The following ADAMTS16 variants were observed in gnomAD, a reference collection of about 807,000 sequenced individuals.
The protein encoded by ADAMTS16 is ADAM metallopeptidase with thrombospondin type 1 motif 16, also known as A disintegrin and metalloproteinase with thrombospondin motifs 16.
ADAMTS16 carries 94 observed loss-of-function variants against 145.8 expected under a neutral mutation model. That is an observed-to-expected ratio of 0.64 (90% CI 0.55 to 0.77). The LOEUF (loss-of-function observed/expected upper bound fraction) is 0.77, where lower values mean the gene tolerates loss of function less well. Among genes scored for constraint, ADAMTS16 ranks in the 30% least tolerant of loss-of-function variants. The pLI is 0.00. For missense variants in ADAMTS16, 1,585 were observed against 1,591.5 expected, an observed-to-expected ratio of 1.00 and a Z score of 0.07; for synonymous variants, 659 against 604.3, an observed-to-expected ratio of 1.09 and a Z score of -1.33.
chr5:5,236,353 G>C (rs376828575), intron 13 of ADAMTS16, among the ~76,000 whole-genome samples: 1 of 151,304 alleles, frequency 6.6e-6, no homozygotes, highest in Non-Finnish European at 1.5e-5. Context: ...TTGAAAAAAA[G>C]TTCATATTAA....
chr5:5,308,944 C>T (rs1274740106), intron 21 of ADAMTS16, among the ~76,000 whole-genome samples: 5 of 134,058 alleles, frequency 3.7e-5, no homozygotes, highest in African/African-American at 8.5e-5. Flanking sequence ...AGAGAGACTC[C>T]GTCTCAAAAA....
intron 3 of ADAMTS16, among the ~76,000 whole-genome samples, chr5:5,161,074 C>T (rs1343025546): frequency 6.6e-6 from 1 of 152,120 alleles, no homozygotes; most frequent in East Asian, 1.9e-4. Context: ...TAGTTTATTA[C>T]CTATATTTTT....
intron 10 of ADAMTS16, among the ~76,000 whole-genome samples, chr5:5,214,045 TC>T (rs1212108601): frequency 6.6e-6 from 1 of 152,192 alleles, no homozygotes; most frequent in Non-Finnish European, 1.5e-5. Flanking sequence ...GGTATCCACC[TC>T]CCAACAGCGG....
At chr5:5,181,908 T>G in intron 3 of ADAMTS16, 136 bp from the exon 4 acceptor site, 1 of 1,025,640 alleles carries the variant, frequency 9.8e-7, no homozygotes, top group Non-Finnish European at 1.4e-6. Context: ...TTTTGAACCT[T>G]TCCAATGTTC....
chr5:5,236,785 A>C (rs1004559599), intron 13 of ADAMTS16, among the ~76,000 whole-genome samples, 184 bp from the exon 14 acceptor site: 3 of 45,750 alleles, frequency 6.6e-5, no homozygotes, highest in African/African-American at 2.2e-4. Flanking sequence ...TTGAAGCAAT[A>C]AATAAATTTA....
chr5:5,283,961 T>C (rs1201211651), intron 18 of ADAMTS16, among the ~76,000 whole-genome samples: 2 of 152,260 alleles, frequency 1.3e-5, no homozygotes, highest in African/African-American at 4.8e-5. Context: ...TGGTCTATGA[T>C]ATTATTTGTG....
In ADAMTS16 at chr5:5,140,772, T is replaced by C; in HGVS notation, c.175+6T>C. 1 of 1,553,354 alleles carries C rather than the reference T, an allele frequency of 6.4e-7. No individual in the cohort carries two copies. The highest frequency in any genetic ancestry group is 8.7e-7 in the Non-Finnish European group (1 of 1,149,576). ...GGGCTGGATGGAAAAGGGCGGTAAG[T>C]CCGTGAGGTGGGGGCTTCTAATCCT... On this transcript the variant is annotated splice_donor_region_variant and intron_variant, in intron 2 of 22. Coordinates refer to ENST00000274181, the MANE Select transcript of ADAMTS16 (RefSeq NM_139056.4).
chr5:5,204,718 G>A (rs1314627151), intron 9 of ADAMTS16, among the ~76,000 whole-genome samples: 1 of 152,020 alleles, frequency 6.6e-6, no homozygotes, highest in East Asian at 1.9e-4. Context: ...AATTTTTGGC[G>A]ATTACAAGGA....
intron 4 of ADAMTS16, among the ~76,000 whole-genome samples, chr5:5,185,260 G>A (rs1028958763): frequency 2.0e-5 from 3 of 152,178 alleles, no homozygotes; most frequent in Non-Finnish European, 1.5e-5. Flanking sequence ...AGTATGCTCC[G>A]TGAATACAGT....
chr5:5,202,119 G>T (rs4702241), intron 9 of ADAMTS16, among the ~76,000 whole-genome samples: 7 of 151,796 alleles, frequency 4.6e-5, no homozygotes, highest in Non-Finnish European at 7.4e-5. Context: ...CTATGGCTGC[G>T]TCTTCCTTCA....
At chr5:5,266,208 C>T (rs945984198) in intron 18 of ADAMTS16, among the ~76,000 whole-genome samples, 1 of 152,068 alleles carries the variant, frequency 6.6e-6, no homozygotes, top group African/African-American at 2.4e-5. Context: ...TCTGTGAAGC[C>T]CATCTAGAGA....
At chr5:5,165,811 G>T (rs997753931) in intron 3 of ADAMTS16, among the ~76,000 whole-genome samples, 1 of 152,172 alleles carries the variant, frequency 6.6e-6, no homozygotes, top group African/African-American at 2.4e-5. Context: ...TTCAGCAATG[G>T]CTTATAGGTC....
intron 11 of ADAMTS16, among the ~76,000 whole-genome samples, chr5:5,229,794 TAAAAG>T (rs972925750): frequency 2.0e-5 from 3 of 152,166 alleles, no homozygotes; most frequent in African/African-American, 7.2e-5. Context: ...TGTTTTTTCT[TAAAAG>T]AAGTAATCCA....
intron 17 of ADAMTS16, among the ~76,000 whole-genome samples, chr5:5,257,624 A>G (rs777398344): frequency 1.2e-3 from 190 of 152,260 alleles, no homozygotes; most frequent in Non-Finnish European, 1.3e-3. Flanking sequence ...AAGCTGAGCT[A>G]GCCGGACATG....
intron 3 of ADAMTS16, among the ~76,000 whole-genome samples, chr5:5,162,588 C>T (rs2126528937): frequency 6.6e-6 from 1 of 152,302 alleles, no homozygotes; most frequent in East Asian, 1.9e-4. Context: ...CGGGGAACAG[C>T]TCTGCAATTC....
chr5:5,195,126 G>A (rs986946720), intron 8 of ADAMTS16, among the ~76,000 whole-genome samples: 3 of 152,198 alleles, frequency 2.0e-5, no homozygotes, highest in African/African-American at 4.8e-5. Context: ...AAGAACAGGT[G>A]TTTGGATTTG....
At chr5:5,181,105 T>A (rs1178270112) in intron 3 of ADAMTS16, among the ~76,000 whole-genome samples, 1 of 152,220 alleles carries the variant, frequency 6.6e-6, no homozygotes, top group African/African-American at 2.4e-5. Context: ...AAGGCTGCCA[T>A]ACACATTCAC....
In ADAMTS16 at chr5:5,319,093, C is replaced by G. The variant is rs1052798074; in HGVS notation, c.3630C>G (p.Phe1210Leu). Reference protein sequence around the residue: ...VPQHGMCSHKFYGKQCCKTCS... With the variant: ...VPQHGMCSHKLYGKQCCKTCS... Reference sequence around the variant, plus strand: ...AGCACGGGATGTGCAGCCACAAGTTCTACGGCAAGCAGTGCTGCAAGACTT... The same window carrying G: ...AGCACGGGATGTGCAGCCACAAGTTGTACGGCAAGCAGTGCTGCAAGACTT... The change falls in exon 23 of 23, where the codon TTC becomes TTG. Residue 1210 changes from phenylalanine to leucine, a missense_variant. Phe to Leu is a conservative substitution (Grantham distance 22, BLOSUM62 0). Coordinates refer to ENST00000274181, the MANE Select transcript of ADAMTS16 (RefSeq NM_139056.4). The G allele has an allele frequency of 5.6e-6, 9 of 1,613,230 alleles. No homozygotes were observed. Among genetic ancestry groups the G allele is most frequent in the Middle Eastern group, 1.7e-4 (1 of 5,988 alleles).
Position 5,314,607 on chromosome 5 carries a change from T to C in ADAMTS16, c.3412-3527T>C, listed in dbSNP as rs1375058304. The stretch of plus-strand genomic sequence containing the variant: ...CCATCTTTATCCATTCAAAATATTT[T>C]CAAAATGTGCAGCTGAACATCTTTC... On this transcript the variant is annotated intron_variant, in intron 21 of 22. Coordinates refer to ENST00000274181, the MANE Select transcript of ADAMTS16 (RefSeq NM_139056.4). Among the ~76,000 whole-genome samples the C allele has an allele frequency of 2.0e-5, 3 of 152,256 alleles. No individual in the cohort carries two copies. The East Asian group carries it at 5.8e-4, about 29-fold the overall frequency.
Sources: allele counts gnomAD v4.1 joint callset (sites outside exome capture counted in the v4.1 genomes callset), GRCh38; gene constraint gnomAD v4.1.1; transcripts MANE v1.5; gene names NCBI Gene and HGNC (gene_info 2026-07-23, HGNC 2026-07-21).